TTC13: variants seen among roughly 807,000 people sequenced by gnomAD.
The protein encoded by TTC13 is tetratricopeptide repeat protein 13.
In TTC13, 62 loss-of-function variants were observed where a neutral mutation model predicts 120.0. The ratio of observed to expected loss-of-function variants is 0.52; its 90% CI spans 0.42 to 0.64. The LOEUF (loss-of-function observed/expected upper bound fraction) is 0.64, where lower values mean the gene tolerates loss of function less well. TTC13 is among the 30% of genes least tolerant of loss of function. The probability of loss-of-function intolerance (pLI) is 0.00; values close to 1 mark genes in which losing one functional copy is unlikely to be tolerated. For synonymous variants in TTC13, 384 were observed against 393.5 expected (o/e 0.98, Z 0.28); for missense variants, 824 against 1,050.2 (o/e 0.78, Z 2.98).
chr1:230,916,248 G>C lies in TTC13; in HGVS notation c.2038C>G (p.Leu680Val), dbSNP rs1672017232. The change falls in exon 18 of 23, where the codon CTT becomes GTT. Residue 680 changes from leucine to valine, a missense_variant. Leu to Val is a conservative substitution (Grantham distance 32, BLOSUM62 1). This residue lies in a region of TTC13 where 226 missense variants were observed against 259.1 expected (regional missense o/e 0.87). Transcript: ENST00000366661. ...TCATATTCCTTCCCTTGGTCTTTAA[G>C]GCTGGGAACTTTTGTGTTCACGGTG... ...GFTVNTKVPS[L>V]KDQGKEYDGF... 3 of 1,613,996 alleles carry C rather than the reference G, an allele frequency of 1.9e-6. No homozygotes were observed. The African/African-American group carries it at 4.0e-5, about 22-fold the overall frequency.
Position 230,920,546 on chromosome 1 carries a change from CT to C in TTC13, c.1946del (p.Lys649ArgfsTer5). 1.2e-6 allele frequency: 2 copies of C among 1,605,480 alleles called. No individual in the cohort carries two copies. Among genetic ancestry groups the C allele is most frequent in the South Asian group, 1.1e-5 (1 of 89,288 alleles). On this transcript the variant is annotated frameshift_variant, in exon 17 of 23. Coordinates refer to ENST00000366661, the MANE Select transcript of TTC13 (RefSeq NM_024525.5). LOFTEE classifies it high-confidence loss of function. ...GAAGAAGGTCTTCTACTTTGTGTAC[CT>C]TTTCCAGGGCTTCCCGAACTTCCAG... Reference protein sequence around the residue: ...GLLEVREALEKVHKVEDLLPI... With the variant: ...GLLEVREALEXVHKVEDLLPI...
intron 4 of TTC13, 86 bp downstream of exon 4, chr1:230,954,247 C>T (rs762938277): frequency 9.0e-6 from 8 of 886,814 alleles, no homozygotes; most frequent in African/African-American, 1.7e-5. Context: ...AAAAACATGT[C>T]GTATTACAGC....
At chr1:230,925,952 G>A (rs1673014098) in intron 12 of TTC13, among the ~76,000 whole-genome samples, 1 of 152,110 alleles carries the variant, frequency 6.6e-6, no homozygotes, top group Non-Finnish European at 1.5e-5. Flanking sequence ...ATACATTCCT[G>A]AATGGACTGC....
At chr1:230,958,867 C>T (rs1041034142) in intron 2 of TTC13, among the ~76,000 whole-genome samples, 1 of 152,152 alleles carries the variant, frequency 6.6e-6, no homozygotes, top group African/African-American at 2.4e-5. Flanking sequence ...GTGATGTACA[C>T]TGATAGCCCC....
chr1:230,947,327 G>T (rs1350143457), intron 4 of TTC13, among the ~76,000 whole-genome samples: 1 of 152,118 alleles, frequency 6.6e-6, no homozygotes, highest in Non-Finnish European at 1.5e-5. Context: ...GGAACCTAAT[G>T]AGGAATTAAA....
intron 1 of TTC13, among the ~76,000 whole-genome samples, chr1:230,973,061 T>G (rs991965337): frequency 6.6e-5 from 10 of 152,188 alleles, no homozygotes; most frequent in African/African-American, 2.4e-4. Context: ...GCCATGAAAC[T>G]ATGTATGATG....
At chr1:230,916,536 A>T (rs988297610) in intron 17 of TTC13, among the ~76,000 whole-genome samples, 14 of 152,302 alleles carry the variant, frequency 9.2e-5, no homozygotes, top group African/African-American at 3.4e-4. Context: ...GAACCTCAGC[A>T]CCAAAAGCTC....
rs1304349216 is a variant in TTC13 at position 230,978,100 on chromosome 1, G to T, written c.271+460C>A. ...ATTAACCCGGGAGGTCAGGAAGCCT[G>T]ATTTCCAGGCCTAAGATGTGCCAGG... On this transcript the variant is annotated intron_variant, in intron 1 of 22. Coordinates refer to ENST00000366661, the MANE Select transcript of TTC13 (RefSeq NM_024525.5). This position sits in a 1 kb window ranked among gnomAD's most constrained non-coding sequence, Gnocchi z 5.6. Among the ~76,000 whole-genome samples the T allele has an allele frequency of 1.3e-5, 2 of 152,242 alleles. No homozygotes were observed. Among genetic ancestry groups the T allele is most frequent in the Non-Finnish European group, 2.9e-5 (2 of 68,046 alleles).
intron 8 of TTC13, chr1:230,936,131 G>A (rs921527675): frequency 5.1e-5 from 23 of 455,122 alleles, no homozygotes; most frequent in East Asian, 3.5e-4. Flanking sequence ...AGGTGGAGAC[G>A]CCCAGGGGGC....
At chr1:230,962,341 T>C (rs1343004747) in intron 1 of TTC13, among the ~76,000 whole-genome samples, 1 of 152,112 alleles carries the variant, frequency 6.6e-6, no homozygotes, top group African/African-American at 2.4e-5. Context: ...ACATGAAAAG[T>C]TGCTCAACAT....
chr1:230,915,164 G>C (rs1432397901), intron 18 of TTC13, among the ~76,000 whole-genome samples: 3 of 152,196 alleles, frequency 2.0e-5, no homozygotes, highest in African/African-American at 7.2e-5. Context: ...ATGAAGGCCT[G>C]TTTAAGTTTT....
intron 1 of TTC13, among the ~76,000 whole-genome samples, chr1:230,965,431 C>A (rs958330889): frequency 6.6e-6 from 1 of 152,160 alleles, no homozygotes; most frequent in Non-Finnish European, 1.5e-5. Flanking sequence ...TATCATCTCA[C>A]CCCAGTTAAA....
At chr1:230,914,301 C>T (rs1351775598) in intron 18 of TTC13, among the ~76,000 whole-genome samples, 1 of 152,144 alleles carries the variant, frequency 6.6e-6, no homozygotes, top group Non-Finnish European at 1.5e-5. Flanking sequence ...TATCCTCCTC[C>T]TCAGCCTACT....
At chr1:230,968,185 G>T (rs1320536231) in intron 1 of TTC13, among the ~76,000 whole-genome samples, 3 of 13,972 alleles carry the variant, frequency 2.1e-4, no homozygotes, top group African/African-American at 9.0e-4. Flanking sequence ...CTATGGTGGT[G>T]GGGGGGGGGC....
At chr1:230,974,373 C>T (rs963126302) in intron 1 of TTC13, among the ~76,000 whole-genome samples, 3 of 152,140 alleles carry the variant, frequency 2.0e-5, no homozygotes, top group Non-Finnish European at 2.9e-5. Context: ...CATAATGATT[C>T]GGCCAATGAT....
rs766637522 is a variant in TTC13, at chr1:230,916,263, T to G, written c.2023A>C (p.Thr675Pro). Reference sequence around the variant, plus strand: ...TGGTCTTTAAGGCTGGGAACTTTTGTGTTCACGGTGAACCCATCCTTCGTT... The same window carrying G: ...TGGTCTTTAAGGCTGGGAACTTTTGGGTTCACGGTGAACCCATCCTTCGTT... The part of the protein sequence containing the change: ...TKTKDGFTVN[T>P]KVPSLKDQGK... The change falls in exon 18 of 23, where the codon ACA becomes CCA. Residue 675 changes from threonine to proline, a missense_variant. Thr to Pro is a conservative substitution (Grantham distance 38, BLOSUM62 -1). Coordinates refer to ENST00000366661, the MANE Select transcript of TTC13 (RefSeq NM_024525.5). 1 of 1,614,190 alleles carries G rather than the reference T, an allele frequency of 6.2e-7. No homozygotes were observed. Among genetic ancestry groups the G allele is most frequent in the Non-Finnish European group, 8.5e-7 (1 of 1,180,008 alleles).
intron 4 of TTC13, among the ~76,000 whole-genome samples, chr1:230,949,794 A>T (rs377623363): frequency 1.3e-5 from 2 of 152,070 alleles, no homozygotes; most frequent in Non-Finnish European, 2.9e-5. Flanking sequence ...TACAGGCGCC[A>T]GCCACCATGC....
intron 4 of TTC13, among the ~76,000 whole-genome samples, chr1:230,947,967 C>A (rs1412442033): frequency 6.6e-6 from 1 of 152,168 alleles, no homozygotes; most frequent in African/African-American, 2.4e-5. Context: ...CCCACTCCAT[C>A]AGCCACTGCC....
At chr1:230,967,766 A>G (rs987663842) in intron 1 of TTC13, among the ~76,000 whole-genome samples, 3 of 152,220 alleles carry the variant, frequency 2.0e-5, no homozygotes, top group African/African-American at 7.2e-5. Flanking sequence ...TTACTATCAT[A>G]AATGATTATA....
Sources: gnomAD v4.1 joint callset for allele counts (sites outside exome capture counted in the v4.1 genomes callset) on GRCh38, gnomAD v4.1.1 for gene constraint, gnomAD v4.1.1 regional missense constraint, Gnocchi (gnomAD v3.1) non-coding constraint, MANE v1.5 for transcripts, NCBI Gene and HGNC (gene_info 2026-07-23, HGNC 2026-07-21) for gene names.